Variants in SIGLEC9 observed in about 807,000 individuals in gnomAD.
SIGLEC9 encodes sialic acid-binding Ig-like lectin 9.
A neutral mutation model predicts 38.3 loss-of-function variants in SIGLEC9; 26 were observed. The observed-to-expected ratio is 0.68, with a 90% confidence interval of 0.50 to 0.94. The LOEUF is 0.94. SIGLEC9 is among the 40% of genes least tolerant of loss of function. The probability of loss-of-function intolerance (pLI) is 0.00; values close to 1 mark genes in which losing one functional copy is unlikely to be tolerated. For synonymous variants in SIGLEC9, 236 were observed against 248.0 expected (o/e 0.95, Z 0.45); for missense variants, 556 against 585.7 (o/e 0.95, Z 0.52).
exon 7 of SIGLEC9, chr19:51,136,185 T>C (rs2092040144): frequency 4.3e-6 from 3 of 703,304 alleles, no homozygotes; most frequent in African/African-American, 1.7e-5. Context: ...TTCTTCCTCA[T>C]CTGTGTGGGC....
chr19:51,120,944 C>T (rs1367560684), upstream of SIGLEC9, among the ~76,000 whole-genome samples: 1 of 151,134 alleles, frequency 6.6e-6, no homozygotes, highest in Non-Finnish European at 1.5e-5. The surrounding 1 kb of genome is among the most constrained non-coding windows in gnomAD (Gnocchi z 4.1). Flanking sequence ...CTTCCAGGCT[C>T]AAGCGATCCT....
intron 3 of SIGLEC9, among the ~76,000 whole-genome samples, chr19:51,126,655 G>A (rs1217796179): frequency 1.3e-5 from 2 of 152,184 alleles, no homozygotes; most frequent in Non-Finnish European, 2.9e-5. Flanking sequence ...CTAGGGCTGT[G>A]TGTGAGTCCA....
At chr19:51,131,602 T>A (rs1408093865), downstream of SIGLEC9, among the ~76,000 whole-genome samples, 40 of 142,232 alleles carry the variant, frequency 2.8e-4, no homozygotes, top group African/African-American at 1.1e-3. Flanking sequence ...AATAAATAAA[T>A]AAATAAATAA....
Position 51,128,510 on chromosome 19 carries a change from G to A in SIGLEC9, c.1203G>A (p.Gln401=), listed in dbSNP as rs1051296655. 6.2e-7 allele frequency: 1 copy of A among 1,613,482 alleles called. No individual in the cohort carries two copies. Among genetic ancestry groups the A allele is most frequent in the Non-Finnish European group, 8.5e-7 (1 of 1,179,504 alleles). The stretch of plus-strand genomic sequence containing the variant: ...ACGCTGTCAGGGGTTCAGCCTCTCA[G>A]GTGAGTGATGTGGACTCTCCACAGC... ...DANAVRGSAS[Q]GPLTEPWAED... The change falls in exon 6 of 7, where the codon CAG becomes CAA. Residue 401 remains glutamine, a splice_region_variant and synonymous_variant. Coordinates refer to ENST00000250360, the MANE Select transcript of SIGLEC9 (RefSeq NM_014441.3).
chr19:51,133,121 G>A (rs1057288439), downstream of SIGLEC9, among the ~76,000 whole-genome samples: 14 of 151,884 alleles, frequency 9.2e-5, no homozygotes, highest in African/African-American at 3.1e-4. Flanking sequence ...CCAAATCATT[G>A]TGATAAGAAA....
downstream of SIGLEC9, among the ~76,000 whole-genome samples, chr19:51,132,229 A>T (rs1599822067): frequency 6.6e-6 from 1 of 152,166 alleles, no homozygotes; most frequent in East Asian, 1.9e-4. Flanking sequence ...GCCTTCCACC[A>T]TGAGTGGAAG....
chr19:51,125,817 G>A lies in SIGLEC9; in HGVS notation c.642G>A (p.Gln214=), dbSNP rs765114994. The A allele has an allele frequency of 4.3e-6, 7 of 1,614,188 alleles. No individual in the cohort carries two copies. In the South Asian group the frequency reaches 7.7e-5, roughly 18 times the overall value. ...ACCATGGCACCAGCCTCACCTGTCA[G>A]GTGACCTTCCCTGGGGCCAGCGTGA... is the stretch of plus-strand genomic sequence containing the variant. ...PQDHGTSLTC[Q]VTFPGASVTT... Residue 214 remains glutamine (Q), a synonymous_variant, in exon 2 of 7, where the codon CAG becomes CAA. Transcript: ENST00000250360.
chr19:51,133,357 G>A (rs956029202), downstream of SIGLEC9, among the ~76,000 whole-genome samples: 1 of 151,154 alleles, frequency 6.6e-6, no homozygotes, highest in Non-Finnish European at 1.5e-5. Context: ...TGGATCACTT[G>A]AGGTCAGGAG....
Position 51,125,684 on chromosome 19 carries a change from G to A in SIGLEC9, c.509G>A (p.Cys170Tyr). 1 of 1,613,950 alleles carries A rather than the reference G, an allele frequency of 6.2e-7. No homozygotes were observed. Among genetic ancestry groups the A allele is most frequent in the Non-Finnish European group, 8.5e-7 (1 of 1,179,976 alleles). The change falls in exon 2 of 7, where the codon TGT (cysteine) becomes TAT (tyrosine). Residue 170 changes from cysteine to tyrosine, a missense_variant. By Grantham distance (194) the Cys-to-Tyr change is radical. Coordinates refer to ENST00000250360, the MANE Select transcript of SIGLEC9 (RefSeq NM_014441.3). ...CTGACCTGCTCTGTGCCCTGGGCCT[G>A]TGAGCAGGGGACACCCCCTATGATC... The part of the protein sequence containing the change: ...QNLTCSVPWA[C>Y]EQGTPPMISW...
At chr19:51,134,147 CTTTTTTTTTTTTTTTT>C (rs71185802), downstream of SIGLEC9, among the ~76,000 whole-genome samples, 1 of 66,506 alleles carries the variant, frequency 1.5e-5, no homozygotes, top group Non-Finnish European at 2.7e-5. Flanking sequence ...TCTTTCTTTT[CTTTTTTTTTTTTTTTT>C]TTTTTTTTTT....
At chr19:51,127,870 A>G (rs1386905545) in intron 4 of SIGLEC9, 79 bp from the exon 5 acceptor site, 3 of 810,834 alleles carry the variant, frequency 3.7e-6, no homozygotes, top group Non-Finnish European at 6.4e-6. Context: ...ATAGAAGTCT[A>G]GGACCCTACA....
At chr19:51,135,509 T>C (rs1453109507) in intron 6 of SIGLEC9, among the ~76,000 whole-genome samples, 1 of 152,198 alleles carries the variant, frequency 6.6e-6, no homozygotes, top group Non-Finnish European at 1.5e-5. Flanking sequence ...CATTGAATAT[T>C]TTTTCTTTCA....
rs2092008670 is a variant in SIGLEC9, at chr19:51,130,301, C to A, written c.*222C>A. ...TTTATTTTTTTAACTAAAAGACAGA[C>A]AAATTCCTACCTCTCTGTACCTTGG... On this transcript the variant is annotated 3_prime_UTR_variant, in exon 7 of 7. Coordinates refer to ENST00000250360, the MANE Select transcript of SIGLEC9 (RefSeq NM_014441.3). 1 of 832,040 alleles carries A rather than the reference C, an allele frequency of 1.2e-6. No individual in the cohort carries two copies. The highest frequency in any genetic ancestry group is 3.7e-5 in the East Asian group (1 of 26,882). The allele number at this position is 832,040 out of a possible 1,614,324, so 51.5% of individuals were successfully genotyped here.
At chr19:51,130,926 C>T (rs1431018862), downstream of SIGLEC9, among the ~76,000 whole-genome samples, 3 of 152,216 alleles carry the variant, frequency 2.0e-5, no homozygotes, top group Non-Finnish European at 2.9e-5. Flanking sequence ...CTAGAACGCC[C>T]TCCTCCTGGG....
downstream of SIGLEC9, among the ~76,000 whole-genome samples, chr19:51,132,061 G>A (rs2092018873): frequency 6.6e-6 from 1 of 152,212 alleles, no homozygotes; most frequent in Admixed American, 6.5e-5. Flanking sequence ...CCTCATGAAT[G>A]GCTTGGTGCT....
In SIGLEC9 at chr19:51,129,975, G is replaced by A; in HGVS notation, c.1288G>A (p.Glu430Lys). 6.2e-7 allele frequency: 1 copy of A among 1,614,098 alleles called. No individual in the cohort carries two copies. The highest frequency in any genetic ancestry group is 8.5e-7 in the Non-Finnish European group (1 of 1,179,972). ...TGCCCGCTCCTCAGTGGGGGAAGGA[G>A]AGCTCCAGTATGCATCCCTCAGCTT... is the stretch of plus-strand genomic sequence containing the variant. ...ASARSSVGEG[E>K]LQYASLSFQM... is the part of the protein sequence containing the mutation. Residue 430 changes from glutamate to lysine, a missense_variant, in exon 7 of 7, where the codon GAG becomes AAG. Coordinates refer to ENST00000250360, the MANE Select transcript of SIGLEC9 (RefSeq NM_014441.3).
upstream of SIGLEC9, among the ~76,000 whole-genome samples, chr19:51,124,496 C>T (rs796421923): frequency 1.3e-5 from 2 of 152,054 alleles, 1 homozygote; most frequent in South Asian, 4.1e-4. Context: ...GGGGTGCCCA[C>T]CTCGTGCTTG....
At chr19:51,126,150 G>T in intron 3 of SIGLEC9, 22 bp downstream of exon 3, 1 of 1,609,824 alleles carries the variant, frequency 6.2e-7, no homozygotes. Context: ...CTCCCTCCCT[G>T]GGGCTGGAGG....
At chr19:51,120,872 G>C (rs1440650553), upstream of SIGLEC9, 1 of 149,040 alleles carries the variant, frequency 6.7e-6, no homozygotes, top group African/African-American at 2.5e-5. The surrounding 1 kb of genome is among the most constrained non-coding windows in gnomAD (Gnocchi z 4.1). Context: ...TTAAGACAGA[G>C]TCTCGCTATG....
Sources: allele counts gnomAD v4.1 joint callset (sites outside exome capture counted in the v4.1 genomes callset), GRCh38; gene constraint gnomAD v4.1.1; non-coding constraint Gnocchi (gnomAD v3.1); transcripts MANE v1.5; gene names NCBI Gene and HGNC (gene_info 2026-07-23, HGNC 2026-07-21).